ADAMTS16: variants seen among roughly 807,000 people sequenced by gnomAD.
ADAMTS16 encodes the protein ADAM metallopeptidase with thrombospondin type 1 motif 16.
In ADAMTS16, 94 loss-of-function variants were observed where a neutral mutation model predicts 145.8. That is an observed-to-expected ratio of 0.64 (90% confidence interval 0.55 to 0.77). The LOEUF (loss-of-function observed/expected upper bound fraction) is 0.77, where lower values mean the gene tolerates loss of function less well. Among genes scored for constraint, ADAMTS16 ranks in the 30% least tolerant of loss-of-function variants. The pLI is 0.00. For missense variants in ADAMTS16, 1,585 were observed against 1,591.5 expected (o/e 1.00, Z 0.07); for synonymous variants, 659 against 604.3 (o/e 1.09, Z -1.33).
At chr5:5,225,794 G>T (rs992580990) in intron 11 of ADAMTS16, among the ~76,000 whole-genome samples, 2 of 152,102 alleles carry the variant, frequency 1.3e-5, no homozygotes, top group African/African-American at 2.4e-5. Flanking sequence ...AGGCAAATAT[G>T]CATTTGCCTG....
intron 18 of ADAMTS16, among the ~76,000 whole-genome samples, chr5:5,302,146 G>A (rs906167082): frequency 1.3e-5 from 2 of 152,160 alleles, no homozygotes; most frequent in Non-Finnish European, 2.9e-5. Context: ...CTGCAGATGG[G>A]CTTGTGCAAA....
intron 17 of ADAMTS16, among the ~76,000 whole-genome samples, chr5:5,246,222 C>A (rs1343450831): frequency 4.6e-5 from 7 of 152,166 alleles, no homozygotes; most frequent in Admixed American, 4.6e-4. Flanking sequence ...AATAAAAATA[C>A]TTATTAAAAT....
intron 17 of ADAMTS16, among the ~76,000 whole-genome samples, chr5:5,243,847 A>G (rs1737364721): frequency 6.6e-6 from 1 of 152,210 alleles, no homozygotes; most frequent in South Asian, 2.1e-4. Context: ...TTGTTTCAGT[A>G]TCCTGAAACA....
chr5:5,289,746 G>A (rs1325316446), intron 18 of ADAMTS16, among the ~76,000 whole-genome samples: 1 of 152,190 alleles, frequency 6.6e-6, no homozygotes, highest in Admixed American at 6.5e-5. Flanking sequence ...TCATGTACAT[G>A]GGGTTTCCAG....
chr5:5,157,411 TA>T (rs5865594), intron 3 of ADAMTS16, among the ~76,000 whole-genome samples: 11 of 151,386 alleles, frequency 7.3e-5, no homozygotes, highest in South Asian at 4.2e-4. Context: ...GGATAAAACT[TA>T]AAAAAAAATC....
At chr5:5,261,788 T>C (rs1363383652) in intron 17 of ADAMTS16, among the ~76,000 whole-genome samples, 1 of 152,204 alleles carries the variant, frequency 6.6e-6, no homozygotes, top group Non-Finnish European at 1.5e-5. Context: ...TGAAATTTGC[T>C]ATTCTCACCA....
intron 13 of ADAMTS16, 53 bp from the exon 14 acceptor site, chr5:5,236,916 T>A: frequency 6.5e-7 from 1 of 1,536,274 alleles, no homozygotes; most frequent in South Asian, 1.3e-5. Flanking sequence ...GCAAAAATGA[T>A]CAGAGCTTAA....
At chr5:5,260,022 C>T (rs1168009421) in intron 17 of ADAMTS16, among the ~76,000 whole-genome samples, 1 of 152,214 alleles carries the variant, frequency 6.6e-6, no homozygotes. Context: ...TCTTTTAGAA[C>T]AGATGTTGAA....
chr5:5,240,692 C>A (rs2059798), intron 16 of ADAMTS16, among the ~76,000 whole-genome samples: 1 of 152,028 alleles, frequency 6.6e-6, no homozygotes, highest in Non-Finnish European at 1.5e-5. Context: ...CATCCTCTTG[C>A]GTCTTCCTGG....
At chr5:5,144,956 T>A (rs1734254458) in intron 2 of ADAMTS16, among the ~76,000 whole-genome samples, 1 of 152,120 alleles carries the variant, frequency 6.6e-6, no homozygotes, top group Non-Finnish European at 1.5e-5. Context: ...GAGATGCTCC[T>A]GTTGGGTGGG....
chr5:5,182,162 G>GCCCC lies in ADAMTS16; in HGVS notation c.620_621insCCCC (p.Arg207SerfsTer13). 6.2e-7 allele frequency: 1 copy of GCCCC among 1,614,158 alleles called. No individual in the cohort carries two copies. On this transcript the variant is annotated frameshift_variant, in exon 4 of 23. Coordinates refer to ENST00000274181, the MANE Select transcript of ADAMTS16 (RefSeq NM_139056.4). LOFTEE classifies it high-confidence loss of function. ...TCGCCATCCCACGTACTGTACAAGA[G>GCCCC]ATCCACAGAGCCCCATGCTCCTGGG...
intron 13 of ADAMTS16, 79 bp from the exon 14 acceptor site, chr5:5,236,888 GTC>G (rs1422582031): frequency 6.7e-7 from 1 of 1,484,644 alleles, no homozygotes; most frequent in Non-Finnish European, 8.9e-7. Flanking sequence ...AAGAAAGAAA[GTC>G]TATCTAAAAT....
chr5:5,226,922 G>A (rs1244539993), intron 11 of ADAMTS16, among the ~76,000 whole-genome samples: 1 of 152,202 alleles, frequency 6.6e-6, no homozygotes, highest in Non-Finnish European at 1.5e-5. Context: ...AGGGCAAGGG[G>A]TGGGGACCAC....
chr5:5,193,419 T>A (rs1238138189), intron 8 of ADAMTS16, among the ~76,000 whole-genome samples: 1 of 152,200 alleles, frequency 6.6e-6, no homozygotes, highest in African/African-American at 2.4e-5. Context: ...TCTGCTAGAG[T>A]TAAAACTTCA....
intron 10 of ADAMTS16, among the ~76,000 whole-genome samples, 199 bp downstream of exon 10, chr5:5,209,445 G>C (rs992046151): frequency 1.3e-5 from 2 of 152,152 alleles, no homozygotes; most frequent in African/African-American, 4.8e-5. Context: ...GTGGGTATCA[G>C]TTTTCATTTG....
At chr5:5,222,657 C>T in intron 10 of ADAMTS16, 132 bp from the exon 11 acceptor site, 1 of 694,396 alleles carries the variant, frequency 1.4e-6, no homozygotes. Context: ...TATATGCTAT[C>T]ATATTGCTAA....
chr5:5,176,819 C>T (rs1735210533), intron 3 of ADAMTS16, among the ~76,000 whole-genome samples: 1 of 152,164 alleles, frequency 6.6e-6, no homozygotes, highest in Non-Finnish European at 1.5e-5. Context: ...CAGGTGTGCC[C>T]AGCTGTGCAG....
intron 11 of ADAMTS16, among the ~76,000 whole-genome samples, chr5:5,229,697 G>C (rs901375958): frequency 6.6e-6 from 1 of 152,138 alleles, no homozygotes; most frequent in Non-Finnish European, 1.5e-5. Flanking sequence ...TATGACATTA[G>C]CATATTTTTC....
At chr5:5,184,652 T>G (rs1246050051) in intron 4 of ADAMTS16, among the ~76,000 whole-genome samples, 1 of 152,068 alleles carries the variant, frequency 6.6e-6, no homozygotes, top group Non-Finnish European at 1.5e-5. Context: ...CTCAGGCTGA[T>G]TAGTGGGCCT....
Sources: allele counts gnomAD v4.1 joint callset (sites outside exome capture counted in the v4.1 genomes callset), GRCh38; gene constraint gnomAD v4.1.1; transcripts MANE v1.5; gene names NCBI Gene and HGNC (gene_info 2026-07-23, HGNC 2026-07-21).